The following TLE3 variants were observed in gnomAD, a reference collection of about 807,000 sequenced individuals.
TLE3 encodes the protein transducin-like enhancer protein 3.
TLE3 carries 14 observed loss-of-function variants against 93.0 expected under a neutral mutation model. That is an observed-to-expected ratio of 0.15 (90% CI 0.10 to 0.24). TLE3 has a LOEUF of 0.24. TLE3 is among the 10% of genes least tolerant of loss of function. The pLI is 1.00. For missense variants in TLE3, 693 were observed against 1,046.6 expected (o/e 0.66, Z 4.66); for synonymous variants, 451 against 425.0 (o/e 1.06, Z -0.75).
rs541500533 is a variant in TLE3 at position 70,059,391 on chromosome 15, C to T, written c.765+19G>A. ...CCATGCCAAACCAAGAGCCCCCTTG[C>T]GACCGGGCCTGCCCATACCTCATTG... On this transcript the variant is annotated intron_variant, in intron 10 of 19. Transcript: ENST00000451782. 73 of 1,605,076 alleles carry T rather than the reference C, an allele frequency of 4.5e-5. No homozygotes were observed. The highest frequency in any genetic ancestry group is 3.6e-4 in the Admixed American group (21 of 58,838).
chr15:70,089,031 C>T (rs1043438880), intron 4 of TLE3, among the ~76,000 whole-genome samples: 1 of 152,226 alleles, frequency 6.6e-6, no homozygotes, highest in African/African-American at 2.4e-5. Flanking sequence ...GTCACCACCT[C>T]GCCTCACTTC....
At position 70,048,464 on chromosome 15, in the gene TLE3, G is replaced by A. The variant is rs1442966979; in HGVS notation, c.*1633C>T. The A allele has an allele frequency of 6.6e-6, 1 of 152,134 alleles. No homozygotes were observed. The highest frequency in any genetic ancestry group is 6.5e-5 in the Admixed American group (1 of 15,276). The allele number at this position is 152,134 out of a possible 1,614,324, so 9.4% of individuals were successfully genotyped here. ...CAGCTGGGGAGCAACCTCACTGAAG[G>A]TGGGTGGCTTTCCCTGGAGCCCCTC... On this transcript the variant is annotated 3_prime_UTR_variant, in exon 20 of 20. Transcript: ENST00000451782.
intron 4 of TLE3, among the ~76,000 whole-genome samples, chr15:70,087,877 T>C (rs1237813516): frequency 6.6e-6 from 1 of 152,210 alleles, no homozygotes; most frequent in African/African-American, 2.4e-5. Flanking sequence ...TGTTCTCAGA[T>C]AAAATCTGCC....
chr15:70,058,059 G>A lies in TLE3; in HGVS notation c.1051+100C>T, dbSNP rs1441275848. On this transcript the variant is annotated intron_variant, in intron 12 of 19. Coordinates refer to ENST00000451782, the MANE Select transcript of TLE3 (RefSeq NM_001105192.3). This position sits in a 1 kb window ranked among gnomAD's most constrained non-coding sequence, Gnocchi z 4.1. ...GGGCAGGCCCTGGGAGACACTGCCT[G>A]TGCTCTATCCCATGCGTGTGTGTCA... 2 of 1,557,864 alleles carry A rather than the reference G, an allele frequency of 1.3e-6. No homozygotes were observed. Among genetic ancestry groups the A allele is most frequent in the East Asian group, 2.3e-5 (1 of 43,074 alleles).
chr15:70,054,889 C>T, intron 15 of TLE3, 160 bp downstream of exon 15: 3 of 1,260,936 alleles, frequency 2.4e-6, no homozygotes, highest in Non-Finnish European at 3.2e-6. Context: ...CAGCCCCACA[C>T]ACAGAAGGCA....
chr15:70,052,226 T>A (rs2055613686), intron 18 of TLE3, 148 bp downstream of exon 18: 1 of 939,540 alleles, frequency 1.1e-6, no homozygotes, highest in Admixed American at 2.8e-5. Flanking sequence ...TTAAGGGTGT[T>A]GAAGGGGCAC....
intron 16 of TLE3, chr15:70,054,169 CACT>C (rs1298931427): frequency 2.5e-6 from 1 of 398,460 alleles, no homozygotes; most frequent in Non-Finnish European, 4.5e-6. Flanking sequence ...CTGCTTGCTC[CACT>C]AATCTGACCT....
chr15:70,058,746 G>C lies in TLE3; in HGVS notation c.835C>G (p.Leu279Val). 1 of 1,611,208 alleles carries C rather than the reference G, an allele frequency of 6.2e-7. No homozygotes were observed. The highest frequency in any genetic ancestry group is 8.5e-7 in the Non-Finnish European group (1 of 1,178,810). Residue 279 changes from leucine (L) to valine (V), a missense_variant, in exon 11 of 20, where the codon CTG becomes GTG. By Grantham distance (32) the Leu-to-Val change is conservative (BLOSUM62 1). Transcript: ENST00000451782. This position sits in a 1 kb window ranked among gnomAD's most constrained non-coding sequence, Gnocchi z 4.1. Reference sequence around the variant, plus strand: ...GGGCTGGTGGGGGCATCTTTTTTCAGGCTACGGGCCTTGTCCAGCCCATTT... The same window carrying C: ...GGGCTGGTGGGGGCATCTTTTTTCACGCTACGGGCCTTGTCCAGCCCATTT... The part of the protein sequence containing the change: ...PENGLDKARS[L>V]KKDAPTSPAS...
chr15:70,070,974 A>G (rs1339614763), intron 6 of TLE3, among the ~76,000 whole-genome samples: 1 of 151,976 alleles, frequency 6.6e-6, no homozygotes, highest in African/African-American at 2.4e-5. Context: ...CATCTCCCCT[A>G]CTGTTAATTT....
At position 70,048,016 on chromosome 15, in the gene TLE3, G is replaced by A. The variant is rs1566969155; in HGVS notation, c.*2081C>T. 6.6e-6 allele frequency: 1 copy of A among 152,188 alleles called. No homozygotes were observed. Among genetic ancestry groups the A allele is most frequent in the Non-Finnish European group, 1.5e-5 (1 of 68,086 alleles). The allele number at this position is 152,188 out of a possible 1,614,324, so 9.4% of individuals were successfully genotyped here. A position where few individuals can be genotyped will look rare whatever the true frequency, so the allele number is the denominator to read the frequency against. ...TCCCTGCTGCGATGCTGGGTATCTGGAAGGGGAGAAGGGGGTGGAAGCAGC... is the reference window on the plus strand; with the variant it reads ...TCCCTGCTGCGATGCTGGGTATCTGAAAGGGGAGAAGGGGGTGGAAGCAGC... On this transcript the variant is annotated 3_prime_UTR_variant, in exon 20 of 20. Transcript: ENST00000451782.
At chr15:70,065,255 C>T (rs1424458358) in intron 7 of TLE3, among the ~76,000 whole-genome samples, 2 of 152,252 alleles carry the variant, frequency 1.3e-5, no homozygotes, top group Admixed American at 1.3e-4. Flanking sequence ...GTGCATTTGG[C>T]ACCAATTTTT....
chr15:70,077,720 G>C (rs1037833368), intron 4 of TLE3, among the ~76,000 whole-genome samples: 6 of 152,336 alleles, frequency 3.9e-5, no homozygotes, highest in African/African-American at 1.4e-4. Flanking sequence ...GGCAGGGAGA[G>C]GATCAGGAAT....
At position 70,063,978 on chromosome 15, in the gene TLE3, G is replaced by A. The variant is rs1283161977; in HGVS notation, c.594+476C>T. 6.6e-5 allele frequency among the ~76,000 whole-genome samples: 10 copies of A among 152,304 alleles called. No homozygotes were observed. The East Asian group carries it at 1.9e-3, about 29-fold the overall frequency. On this transcript the variant is annotated intron_variant, in intron 8 of 19. Transcript: ENST00000451782. Reference sequence around the variant, plus strand: ...CTTGGCCCTGAACATGGGACACCTGGGTCCTTAGCCCTGGGTTTAGCCCAG... The same window carrying A: ...CTTGGCCCTGAACATGGGACACCTGAGTCCTTAGCCCTGGGTTTAGCCCAG...
chr15:70,052,339 C>A (rs771134934), intron 18 of TLE3, 35 bp downstream of exon 18: 2 of 1,602,902 alleles, frequency 1.2e-6, no homozygotes, highest in South Asian at 1.1e-5. Context: ...GTTCCCCACC[C>A]CACTCCATCA....
intron 15 of TLE3, 23 bp downstream of exon 15, chr15:70,055,026 C>A (rs373969231): frequency 2.5e-5 from 39 of 1,579,092 alleles, no homozygotes; most frequent in Non-Finnish European, 4.3e-6. Context: ...CTGGAGGCGG[C>A]GCAGCAGCCC....
Position 70,076,150 on chromosome 15 carries a change from A to T in TLE3, c.243T>A (p.Ile81=), listed in dbSNP as rs1409036517. 2.5e-6 allele frequency: 4 copies of T among 1,613,992 alleles called. No individual in the cohort carries two copies. The highest frequency in any genetic ancestry group is 3.4e-6 in the Non-Finnish European group (4 of 1,179,868). The change falls in exon 5 of 20, where the codon ATT becomes ATA. Residue 81 remains isoleucine (I), a synonymous_variant. Coordinates refer to ENST00000451782, the MANE Select transcript of TLE3 (RefSeq NM_001105192.3). ...CTAAAATTGTGTTCAGTCTCTTCGC[A>T]ATCTCTGTCTGCAAAGGCAAGGAGA... The part of the protein sequence containing the change: ...LNIEMHKQTE[I]AKRLNTILAQ...
In TLE3 at chr15:70,091,438, G is replaced by A. The variant is rs140259397; in HGVS notation, c.234+3094C>T. On this transcript the variant is annotated intron_variant, in intron 4 of 19. Transcript: ENST00000451782. ...TGGAAAGCCTCTGCACAAACAAGAT[G>A]GCAAGTGATGAGCCGGTCAGTCATC... Among the ~76,000 whole-genome samples, 11 of 152,346 alleles carry A rather than the reference G, an allele frequency of 7.2e-5. No homozygotes were observed. The East Asian group carries it at 2.1e-3, about 29-fold the overall frequency.
intron 17 of TLE3, chr15:70,052,843 C>T (rs1410326624): frequency 3.3e-6 from 1 of 301,854 alleles, no homozygotes; most frequent in African/African-American, 2.1e-5. Context: ...ATAATAATCC[C>T]TGGCATTTAC....
intron 8 of TLE3, among the ~76,000 whole-genome samples, chr15:70,061,393 C>T (rs2056465723): frequency 1.3e-5 from 2 of 152,080 alleles, no homozygotes; most frequent in South Asian, 4.1e-4. Context: ...TGCCCAAGCT[C>T]CCCTAGCAGA....
Sources: allele counts gnomAD v4.1 joint callset (sites outside exome capture counted in the v4.1 genomes callset), GRCh38; gene constraint gnomAD v4.1.1; non-coding constraint Gnocchi (gnomAD v3.1); transcripts MANE v1.5; gene names NCBI Gene and HGNC (gene_info 2026-07-23, HGNC 2026-07-21).